Variants in MAPK14 observed in about 807,000 individuals in gnomAD.
MAPK14 encodes the protein mitogen-activated protein kinase 14.
MAPK14 carries 16 observed loss-of-function variants against 49.6 expected under a neutral mutation model. That is an observed-to-expected ratio of 0.32 (90% CI 0.22 to 0.49). MAPK14 has a LOEUF of 0.49. Among genes scored for constraint, MAPK14 ranks in the 20% least tolerant of loss-of-function variants. The pLI is 0.99. For synonymous variants in MAPK14, 142 were observed against 158.0 expected (o/e 0.90, Z 0.76); for missense variants, 200 against 441.2 (o/e 0.45, Z 4.90).
downstream of MAPK14, among the ~76,000 whole-genome samples, chr6:36,115,301 C>G (rs1321490486): frequency 6.6e-6 from 1 of 152,158 alleles, no homozygotes; most frequent in Non-Finnish European, 1.5e-5. Flanking sequence ...AAACCACAGA[C>G]CCAGCCTAGA....
rs1266621986 is a variant in MAPK14, at chr6:36,109,238, C to G, written c.*791C>G. 3.9e-5 allele frequency: 6 copies of G among 152,576 alleles called. No homozygotes were observed. The highest frequency in any genetic ancestry group is 1.2e-4 in the African/African-American group (5 of 41,430). The allele number at this position is 152,576 out of a possible 1,614,324, so 9.5% of individuals were successfully genotyped here. On this transcript the variant is annotated 3_prime_UTR_variant, in exon 12 of 12. Coordinates refer to ENST00000229794, the MANE Select transcript of MAPK14 (RefSeq NM_139012.3). ...ATGTGCGTCTCTCTTTCTCCCTCAC[C>G]CCCAGGTGTTGCCATTTCTCTGCTT...
At chr6:36,093,720 C>CAAAAAAAAAAAAAAAAAAAAAAAAAAAA in intron 8 of MAPK14, among the ~76,000 whole-genome samples, 1 of 83,116 alleles carries the variant, frequency 1.2e-5, no homozygotes, top group Non-Finnish European at 2.3e-5. Flanking sequence ...GACTCCGTCT[C>CAAAAAAAAAAAAAAAAAAAAAAAAAAAA]AAAAAAAAAA....
At chr6:36,072,781 C>T (rs1736506889) in intron 3 of MAPK14, 92 bp from the exon 4 acceptor site, 2 of 699,826 alleles carry the variant, frequency 2.9e-6, no homozygotes, top group Non-Finnish European at 4.8e-6. Context: ...AAAACAAAAA[C>T]CAAAAAAACC....
intron 1 of MAPK14, among the ~76,000 whole-genome samples, chr6:36,050,409 A>G (rs1254039790): frequency 6.6e-6 from 1 of 152,232 alleles, no homozygotes; most frequent in Non-Finnish European, 1.5e-5. Context: ...TGCTGCTGGC[A>G]TTCAAAATTT....
intron 3 of MAPK14, among the ~76,000 whole-genome samples, chr6:36,062,752 G>A (rs575283294): frequency 6.7e-6 from 1 of 149,920 alleles, no homozygotes; most frequent in Non-Finnish European, 1.5e-5. Context: ...CCGCCTCCCA[G>A]GTTCAAGCGA....
intron 8 of MAPK14, among the ~76,000 whole-genome samples, chr6:36,078,605 A>G (rs1764624181): frequency 6.6e-6 from 1 of 152,228 alleles, no homozygotes; most frequent in Non-Finnish European, 1.5e-5. Flanking sequence ...AGCTTTAGAT[A>G]AACAACCTAG....
downstream of MAPK14, among the ~76,000 whole-genome samples, chr6:36,111,540 AT>A (rs1333291428): frequency 6.6e-6 from 1 of 152,198 alleles, no homozygotes; most frequent in Non-Finnish European, 1.5e-5. Context: ...TTTTAGGCGA[AT>A]GTATTTTATG....
chr6:36,106,895 A>G (rs114828896), intron 10 of MAPK14, among the ~76,000 whole-genome samples: 2,080 of 151,522 alleles, frequency 0.014, 55 homozygotes, highest in African/African-American at 0.048. Flanking sequence ...TTAGTAAATA[A>G]ACAGCTTAGG....
At position 36,062,257 on chromosome 6, in the gene MAPK14, T is replaced by C. The variant is rs113851863; in HGVS notation, c.305+2910T>C. 2.4e-4 allele frequency among the ~76,000 whole-genome samples: 37 copies of C among 152,314 alleles called. No individual in the cohort carries two copies. In the South Asian group the frequency reaches 7.2e-3, roughly 30 times the overall value. On this transcript the variant is annotated intron_variant, in intron 3 of 11. Transcript: ENST00000229794. The stretch of plus-strand genomic sequence containing the variant: ...ACTCAAAGTGCTGGGATTACAGACA[T>C]GAGCCGCCACACCCAGCCATTTCAG...
At chr6:36,075,739 C>G in intron 6 of MAPK14, 109 bp from the exon 7 acceptor site, 1 of 1,449,842 alleles carries the variant, frequency 6.9e-7, no homozygotes, top group Non-Finnish European at 9.5e-7. Context: ...CTATTTTGTT[C>G]TCCTTTTTAA....
chr6:36,094,062 T>G (rs1193513569), intron 8 of MAPK14, among the ~76,000 whole-genome samples: 1 of 152,214 alleles, frequency 6.6e-6, no homozygotes, highest in Non-Finnish European at 1.5e-5. Context: ...ACAGTATCCA[T>G]CCCACCCCCA....
chr6:36,036,427 G>A (rs191612671), intron 1 of MAPK14, among the ~76,000 whole-genome samples: 30 of 152,286 alleles, frequency 2.0e-4, no homozygotes, highest in African/African-American at 6.7e-4. Flanking sequence ...CAGCAGCAAG[G>A]TTTGAGAGGA....
chr6:36,046,048 T>C (rs1339342319), intron 1 of MAPK14, among the ~76,000 whole-genome samples: 1 of 152,142 alleles, frequency 6.6e-6, no homozygotes, highest in East Asian at 1.9e-4. Flanking sequence ...TTTCTATGTG[T>C]GTGTGACACA....
intron 10 of MAPK14, among the ~76,000 whole-genome samples, chr6:36,103,363 AG>A (rs1337505147): frequency 1.3e-5 from 2 of 151,142 alleles, no homozygotes; most frequent in African/African-American, 4.9e-5. Context: ...TGGTAGTGTC[AG>A]GGTCTCGCTC....
At chr6:36,071,107 T>C (rs7747846) in intron 3 of MAPK14, among the ~76,000 whole-genome samples, 24,845 of 151,908 alleles carry the variant, frequency 0.16, 2,809 homozygotes, top group African/African-American at 0.33. Context: ...CCATGGTGGG[T>C]GGATCACTTG....
At chr6:36,044,568 T>C (rs1763098070) in intron 1 of MAPK14, among the ~76,000 whole-genome samples, 1 of 152,200 alleles carries the variant, frequency 6.6e-6, no homozygotes, top group Non-Finnish European at 1.5e-5. Flanking sequence ...CCTATATCTC[T>C]ATACCTATCA....
intron 1 of MAPK14, among the ~76,000 whole-genome samples, chr6:36,048,735 GAGA>G (rs532665202): frequency 1.2e-3 from 183 of 152,340 alleles, no homozygotes; most frequent in South Asian, 4.3e-3. Context: ...CAGAGCCATG[GAGA>G]AGAATAGTTC....
intron 9 of MAPK14, among the ~76,000 whole-genome samples, chr6:36,098,863 T>C (rs1168656308): frequency 6.6e-6 from 1 of 152,246 alleles, no homozygotes; most frequent in Non-Finnish European, 1.5e-5. Context: ...AATTCTGTTA[T>C]CTGTACTCCT....
At chr6:36,033,820 C>T (rs947169746) in intron 1 of MAPK14, among the ~76,000 whole-genome samples, 1 of 152,208 alleles carries the variant, frequency 6.6e-6, no homozygotes, top group African/African-American at 2.4e-5. Context: ...TGGAAGAATT[C>T]ACTGGGGTAG....
Sources: allele counts gnomAD v4.1 joint callset (sites outside exome capture counted in the v4.1 genomes callset), GRCh38; gene constraint gnomAD v4.1.1; transcripts MANE v1.5; gene names NCBI Gene and HGNC (gene_info 2026-07-23, HGNC 2026-07-21).